The following SPINT2 variants were observed in gnomAD, a reference collection of about 807,000 sequenced individuals.
SPINT2 encodes kunitz-type protease inhibitor 2.
A neutral mutation model predicts 30.1 loss-of-function variants in SPINT2; 18 were observed. The observed-to-expected ratio is 0.60, with a 90% CI of 0.41 to 0.89. The LOEUF is 0.89. Among genes scored for constraint, SPINT2 ranks in the 40% least tolerant of loss-of-function variants. The probability of loss-of-function intolerance (pLI) is 0.00; values close to 1 mark genes in which losing one functional copy is unlikely to be tolerated. For missense variants in SPINT2, 276 were observed against 334.3 expected, an observed-to-expected ratio of 0.83 and a Z score of 1.36; for synonymous variants, 139 against 137.9, an observed-to-expected ratio of 1.01 and a Z score of -0.05.
At position 38,264,609 on chromosome 19, in the gene SPINT2, G is replaced by A. The variant is rs2146262365; in HGVS notation, c.-284G>A. ...TGGCGACCTCCGCGCGTTGGGAGGT[G>A]TAGCGCGGCTCTGAACGCGCTGAGG... On this transcript the variant is annotated 5_prime_UTR_variant, in exon 1 of 7. Transcript: ENST00000301244. The A allele has an allele frequency of 4.7e-6, 2 of 427,870 alleles. No homozygotes were observed. The highest frequency in any genetic ancestry group is 4.7e-5 in the East Asian group (1 of 21,490). The allele number at this position is 427,870 out of a possible 1,614,324, so 26.5% of individuals were successfully genotyped here. A position where few individuals can be genotyped will look rare whatever the true frequency, so the allele number is the denominator to read the frequency against.
Position 38,264,970 on chromosome 19 carries a change from G to A in SPINT2, c.78G>A (p.Leu26=), listed in dbSNP as rs771572940. ...GATCGCTGCTCCTCTCTGGGGTCCTGGCGGCCGACCGAGAACGCAGCATCC... is the reference window on the plus strand; with the variant it reads ...GATCGCTGCTCCTCTCTGGGGTCCTAGCGGCCGACCGAGAACGCAGCATCC... ...LLGSLLLSGV[L]AADRERSIHD... The change falls in exon 1 of 7, where the codon CTG becomes CTA. Residue 26 remains leucine, a synonymous_variant. Coordinates refer to ENST00000301244, the MANE Select transcript of SPINT2 (RefSeq NM_021102.4). 5 of 1,535,290 alleles carry A rather than the reference G, an allele frequency of 3.3e-6. No homozygotes were observed. Among genetic ancestry groups the A allele is most frequent in the East Asian group, 4.9e-5 (2 of 40,824 alleles).
intron 1 of SPINT2, 34 bp downstream of exon 1, chr19:38,265,032 G>C: frequency 1.3e-6 from 2 of 1,511,652 alleles, no homozygotes; most frequent in Non-Finnish European, 1.8e-6. Flanking sequence ...GAGGCGGGGC[G>C]CAGGGGGCAG....
chr19:38,290,371 C>T lies in SPINT2; in HGVS notation c.553+91C>T. On this transcript the variant is annotated intron_variant, in intron 5 of 6. Coordinates refer to ENST00000301244, the MANE Select transcript of SPINT2 (RefSeq NM_021102.4). The surrounding 1 kb of genome is among the most constrained non-coding windows in gnomAD (Gnocchi z 4.3). Reference sequence around the variant, plus strand: ...CTAAAATATGAAGGCCTTGGAAATGCTGTTCTTGGGCCCACCAGGGCAGCA... The same window carrying T: ...CTAAAATATGAAGGCCTTGGAAATGTTGTTCTTGGGCCCACCAGGGCAGCA... The T allele has an allele frequency of 1.3e-6, 2 of 1,578,584 alleles. No individual in the cohort carries two copies. Among genetic ancestry groups the T allele is most frequent in the Non-Finnish European group, 1.7e-6 (2 of 1,162,462 alleles).
At chr19:38,278,754 A>G (rs889943452) in intron 1 of SPINT2, among the ~76,000 whole-genome samples, 1 of 152,172 alleles carries the variant, frequency 6.6e-6, no homozygotes, top group Non-Finnish European at 1.5e-5. Flanking sequence ...GTGAGCTGTG[A>G]TCATGCCACT....
At chr19:38,266,675 C>CAA (rs5828007) in intron 1 of SPINT2, among the ~76,000 whole-genome samples, 21 of 139,512 alleles carry the variant, frequency 1.5e-4, no homozygotes, top group Non-Finnish European at 2.8e-4. Flanking sequence ...GACTCAGTCT[C>CAA]AAAAAAAAAA....
chr19:38,275,889 G>A (rs183857100), intron 1 of SPINT2, among the ~76,000 whole-genome samples: 28 of 150,880 alleles, frequency 1.9e-4, no homozygotes, highest in Middle Eastern at 3.5e-3. Flanking sequence ...CACCACGCCC[G>A]GCTAATTTTG....
chr19:38,285,252 A>C (rs1267880740), intron 2 of SPINT2, among the ~76,000 whole-genome samples: 1 of 152,200 alleles, frequency 6.6e-6, no homozygotes, highest in Non-Finnish European at 1.5e-5. Context: ...GGACTTCCTG[A>C]GAGCTGGTGG....
At chr19:38,270,622 C>T (rs1430856144) in intron 1 of SPINT2, among the ~76,000 whole-genome samples, 1 of 152,212 alleles carries the variant, frequency 6.6e-6, no homozygotes, top group African/African-American at 2.4e-5. Context: ...GCCTTGCCTT[C>T]AGGTCACCGC....
Position 38,288,265 on chromosome 19 carries a change from C to G in SPINT2, c.337+330C>G, listed in dbSNP as rs546615498. 17 of 436,560 alleles carry G rather than the reference C, an allele frequency of 3.9e-5. No homozygotes were observed. The East Asian group carries it at 4.3e-4, about 11-fold the overall frequency. The allele number at this position is 436,560 out of a possible 1,614,324, so 27.0% of individuals were successfully genotyped here. On this transcript the variant is annotated intron_variant, in intron 3 of 6. Coordinates refer to ENST00000301244, the MANE Select transcript of SPINT2 (RefSeq NM_021102.4). ...GCGGGCCTCCAGCTGCTCTGCTGAC[C>G]CCACTCCCCACCCACCCTCCTGTCT...
intron 1 of SPINT2, among the ~76,000 whole-genome samples, chr19:38,275,146 T>A (rs1486377566): frequency 2.0e-5 from 3 of 152,244 alleles, no homozygotes; most frequent in Non-Finnish European, 2.9e-5. Flanking sequence ...GTAAGTTATA[T>A]GGTGAGAAGA....
intron 1 of SPINT2, among the ~76,000 whole-genome samples, chr19:38,268,755 A>ATG (rs1968410377): frequency 8.1e-6 from 1 of 123,606 alleles, no homozygotes; most frequent in African/African-American, 2.9e-5. Flanking sequence ...GAGAGAGAGC[A>ATG]TGCGCGCGCG....
intron 2 of SPINT2, 34 bp from the exon 3 acceptor site, chr19:38,287,842 T>C (rs771033858): frequency 9.3e-6 from 15 of 1,613,428 alleles, no homozygotes; most frequent in Non-Finnish European, 1.2e-5. Context: ...TCTCGAAAGC[T>C]CTTTCACTGT....
chr19:38,271,487 C>G (rs528886191), intron 1 of SPINT2, among the ~76,000 whole-genome samples: 1 of 144,068 alleles, frequency 6.9e-6, no homozygotes, highest in Non-Finnish European at 1.5e-5. Context: ...GCAAGACTCT[C>G]TCAAAAAAAA....
At chr19:38,269,764 C>T (rs1222492974) in intron 1 of SPINT2, among the ~76,000 whole-genome samples, 1 of 151,954 alleles carries the variant, frequency 6.6e-6, no homozygotes, top group Non-Finnish European at 1.5e-5. Flanking sequence ...CACCTGCCGC[C>T]ACGCCCGGCT....
intron 1 of SPINT2, among the ~76,000 whole-genome samples, chr19:38,279,446 G>A (rs1182550693): frequency 2.0e-5 from 3 of 151,702 alleles, no homozygotes; most frequent in African/African-American, 4.8e-5. Context: ...GCAGTGAGCC[G>A]AGATCGCACC....
Position 38,267,658 on chromosome 19 carries a change from G to A in SPINT2, c.106+2660G>A, listed in dbSNP as rs76245179. Among the ~76,000 whole-genome samples the A allele has an allele frequency of 5.0e-3, 764 of 151,710 alleles. 12 individuals carry two copies. Among genetic ancestry groups the A allele is most frequent in the East Asian group, 0.048 (246 of 5,124 alleles). Reference sequence around the variant, plus strand: ...TGACCCTGAGAGGAAGCGGGGGGGCGAGGGTGGGAGGAGATCAGGTGGAGG... The same window carrying A: ...TGACCCTGAGAGGAAGCGGGGGGGCAAGGGTGGGAGGAGATCAGGTGGAGG... On this transcript the variant is annotated intron_variant, in intron 1 of 6. Coordinates refer to ENST00000301244, the MANE Select transcript of SPINT2 (RefSeq NM_021102.4).
chr19:38,268,193 G>A (rs1038334188), intron 1 of SPINT2, among the ~76,000 whole-genome samples: 31 of 152,192 alleles, frequency 2.0e-4, no homozygotes, highest in African/African-American at 6.7e-4. Flanking sequence ...TGTTGGTGAC[G>A]CTCTGAGTAG....
chr19:38,266,283 G>A (rs1472402542), intron 1 of SPINT2, among the ~76,000 whole-genome samples: 1 of 152,084 alleles, frequency 6.6e-6, no homozygotes, highest in Non-Finnish European at 1.5e-5. Flanking sequence ...TTATAGACAG[G>A]TGCTGGTGCT....
At position 38,290,249 on chromosome 19, in the gene SPINT2, C is replaced by T; in HGVS notation, c.522C>T (p.Arg174=). The T allele has an allele frequency of 6.2e-7, 1 of 1,612,270 alleles. No individual in the cohort carries two copies. Among genetic ancestry groups the T allele is most frequent in the East Asian group, 2.2e-5 (1 of 44,886 alleles). The change falls in exon 5 of 7, where the codon CGC becomes CGT. Residue 174 remains arginine, a synonymous_variant. Coordinates refer to ENST00000301244, the MANE Select transcript of SPINT2 (RefSeq NM_021102.4). This position sits in a 1 kb window ranked among gnomAD's most constrained non-coding sequence, Gnocchi z 4.3. ...GCCGGGGCAATAAGAACAGCTACCG[C>T]TCTGAGGAGGCCTGCATGCTCCGCT... ...GGCRGNKNSY[R]SEEACMLRCF...
Sources: allele counts gnomAD v4.1 joint callset (sites outside exome capture counted in the v4.1 genomes callset), GRCh38; gene constraint gnomAD v4.1.1; non-coding constraint Gnocchi (gnomAD v3.1); transcripts MANE v1.5; gene names NCBI Gene and HGNC (gene_info 2026-07-23, HGNC 2026-07-21).